PHF21A: variants seen among roughly 807,000 people sequenced by gnomAD.
The protein encoded by PHF21A is PHD finger protein 21A, also known as BHC80a.
PHF21A carries 11 observed loss-of-function variants against 82.5 expected under a neutral mutation model. The observed-to-expected ratio is 0.13, with a 90% CI of 0.08 to 0.22. PHF21A has a LOEUF of 0.22. Among genes scored for constraint, PHF21A ranks in the 10% least tolerant of loss-of-function variants. The pLI is 1.00. For synonymous variants in PHF21A, 297 were observed against 302.8 expected (o/e 0.98, Z 0.20); for missense variants, 579 against 837.8 (o/e 0.69, Z 3.81).
In PHF21A at chr11:46,083,332, T is replaced by G. The variant is rs866341367; in HGVS notation, c.54+834A>C. 2.6e-5 allele frequency among the ~76,000 whole-genome samples: 4 copies of G among 152,308 alleles called. No individual in the cohort carries two copies. In the South Asian group the frequency reaches 8.3e-4, roughly 32 times the overall value. On this transcript the variant is annotated intron_variant, in intron 4 of 18. Transcript: ENST00000676320. ...TTTAAGTTCTCACCCACACTAATTC[T>G]GAGCAATGTGCAAATCTAGTAGTTA...
chr11:46,093,320 T>C (rs764302743), intron 1 of PHF21A, among the ~76,000 whole-genome samples: 3 of 152,244 alleles, frequency 2.0e-5, no homozygotes, highest in African/African-American at 4.8e-5. Flanking sequence ...TAGTGTCTCA[T>C]TGCCTCAGGG....
chr11:46,105,140 T>C (rs2097139341), intron 1 of PHF21A, among the ~76,000 whole-genome samples: 1 of 152,208 alleles, frequency 6.6e-6, no homozygotes, highest in South Asian at 2.1e-4. Context: ...AGGAAGTCAT[T>C]TGGCCACAGT....
At chr11:46,024,638 A>G (rs970996924) in intron 6 of PHF21A, among the ~76,000 whole-genome samples, 8 of 152,110 alleles carry the variant, frequency 5.3e-5, no homozygotes, top group African/African-American at 1.9e-4. Flanking sequence ...CATCTCTACT[A>G]AAAATACAAA....
chr11:46,030,783 C>T (rs897023801), intron 6 of PHF21A, among the ~76,000 whole-genome samples: 5 of 150,180 alleles, frequency 3.3e-5, no homozygotes, highest in African/African-American at 1.2e-4. Flanking sequence ...AAGAAGGTGA[C>T]GATCATTTCT....
chr11:45,984,069 T>C (rs897011905), intron 6 of PHF21A, among the ~76,000 whole-genome samples: 4 of 152,172 alleles, frequency 2.6e-5, no homozygotes, highest in African/African-American at 9.7e-5. Context: ...TATTGGAACA[T>C]TATCCTGAAG....
chr11:45,994,976 C>A (rs780192879), intron 6 of PHF21A, among the ~76,000 whole-genome samples: 1 of 152,178 alleles, frequency 6.6e-6, no homozygotes, highest in Non-Finnish European at 1.5e-5. Context: ...CCATCTTGAG[C>A]CCACAGAAAT....
At chr11:46,103,906 T>A (rs991471027) in intron 1 of PHF21A, among the ~76,000 whole-genome samples, 2 of 152,226 alleles carry the variant, frequency 1.3e-5, no homozygotes, top group South Asian at 4.1e-4. Flanking sequence ...CAGATACATA[T>A]ATACATTCTA....
chr11:46,018,142 T>C (rs1030370658), intron 6 of PHF21A, among the ~76,000 whole-genome samples: 1 of 149,458 alleles, frequency 6.7e-6, no homozygotes, highest in Non-Finnish European at 1.5e-5. Context: ...CCCAGCTACT[T>C]GGGAGGCTGA....
chr11:46,063,489 G>C (rs1565804293), intron 6 of PHF21A, among the ~76,000 whole-genome samples: 1 of 152,212 alleles, frequency 6.6e-6, no homozygotes, highest in Non-Finnish European at 1.5e-5. Flanking sequence ...TAAATGTAAA[G>C]AGTGTGATTG....
chr11:45,953,860 G>A (rs886517333), intron 10 of PHF21A, among the ~76,000 whole-genome samples: 4 of 152,108 alleles, frequency 2.6e-5, no homozygotes, highest in Non-Finnish European at 5.9e-5. Flanking sequence ...CTATAAATAC[G>A]AGTCTAAATA....
chr11:46,033,828 A>G (rs1463598742), intron 6 of PHF21A, among the ~76,000 whole-genome samples: 2 of 152,202 alleles, frequency 1.3e-5, no homozygotes, highest in Admixed American at 6.5e-5. Flanking sequence ...TTTTAATTAC[A>G]TATGTGTTTT....
Position 46,019,990 on chromosome 11 carries a change from CTCTT to C in PHF21A, c.154-40028_154-40025del, listed in dbSNP as rs1013074832. ...CATTTTGCTATTTTCTACATTTTGA[CTCTT>C]TTTTTTTTTAGCCATCATTATGAAG... On this transcript the variant is annotated intron_variant, in intron 6 of 18. Coordinates refer to ENST00000676320, the MANE Select transcript of PHF21A (RefSeq NM_001352027.3). Among the ~76,000 whole-genome samples the C allele has an allele frequency of 2.9e-4, 44 of 151,706 alleles. 1 individual carries two copies. The highest frequency in any genetic ancestry group is 1.0e-3 in the African/African-American group (43 of 41,360).
chr11:46,005,325 T>C (rs747867959), intron 6 of PHF21A, among the ~76,000 whole-genome samples: 2 of 152,204 alleles, frequency 1.3e-5, no homozygotes, highest in Admixed American at 6.5e-5. Context: ...TTTATACAAA[T>C]TTATGCTTGG....
rs924088751 is a variant in PHF21A at position 45,986,450 on chromosome 11, C to A, written c.154-6484G>T. ...GCTGTTGTACTCAAGAGAGATGTGA[C>A]CCCTAGAGAATTACAGATTCTAATA... On this transcript the variant is annotated intron_variant, in intron 6 of 18. Coordinates refer to ENST00000676320, the MANE Select transcript of PHF21A (RefSeq NM_001352027.3). 7.2e-5 allele frequency among the ~76,000 whole-genome samples: 11 copies of A among 151,950 alleles called. No individual in the cohort carries two copies. The East Asian group carries it at 2.1e-3, about 29-fold the overall frequency.
At chr11:46,049,839 G>A (rs534875286) in intron 6 of PHF21A, among the ~76,000 whole-genome samples, 9 of 23,332 alleles carry the variant, frequency 3.9e-4, no homozygotes, top group Non-Finnish European at 6.8e-4. Context: ...GAGAACCATA[G>A]GTTCCTAAAA....
At chr11:46,094,998 T>C (rs2096975376) in intron 1 of PHF21A, among the ~76,000 whole-genome samples, 1 of 152,190 alleles carries the variant, frequency 6.6e-6, no homozygotes, top group Admixed American at 6.5e-5. Context: ...CTAAATTCTA[T>C]ACATATCAGC....
At chr11:46,072,522 G>C (rs1224348077) in intron 6 of PHF21A, among the ~76,000 whole-genome samples, 1 of 152,162 alleles carries the variant, frequency 6.6e-6, no homozygotes, top group Non-Finnish European at 1.5e-5. Flanking sequence ...CTAGCCCTAG[G>C]GGGACCTATA....
chr11:45,935,079 C>A, intron 18 of PHF21A: 1 of 1,280,998 alleles, frequency 7.8e-7, no homozygotes, highest in Non-Finnish European at 1.0e-6. Flanking sequence ...GCAAATACAA[C>A]CCTCTTTCCC....
At chr11:46,016,653 T>G (rs547775789) in intron 6 of PHF21A, among the ~76,000 whole-genome samples, 1 of 152,156 alleles carries the variant, frequency 6.6e-6, no homozygotes, top group Non-Finnish European at 1.5e-5. Flanking sequence ...TAATCTATTT[T>G]ACACTGCAAT....
Sources: gnomAD v4.1 joint callset for allele counts (sites outside exome capture counted in the v4.1 genomes callset) on GRCh38, gnomAD v4.1.1 for gene constraint, MANE v1.5 for transcripts, NCBI Gene and HGNC (gene_info 2026-07-23, HGNC 2026-07-21) for gene names.